The following KDM5B variants were observed in gnomAD, a reference collection of about 807,000 sequenced individuals.
KDM5B encodes the protein lysine-specific demethylase 5B.
A neutral mutation model predicts 193.4 loss-of-function variants in KDM5B; 144 were observed. The observed-to-expected ratio is 0.74, with a 90% CI of 0.65 to 0.86. KDM5B has a LOEUF of 0.86. Among genes scored for constraint, KDM5B ranks in the 40% least tolerant of loss-of-function variants. KDM5B has a pLI of 0.00. For synonymous variants in KDM5B, 668 were observed against 682.6 expected, an observed-to-expected ratio of 0.98 and a Z score of 0.33; for missense variants, 1,833 against 1,886.9, an observed-to-expected ratio of 0.97 and a Z score of 0.53.
chr1:202,749,200 C>G (rs1253564603), intron 13 of KDM5B, 61 bp from the exon 14 acceptor site: 24 of 1,414,560 alleles, frequency 1.7e-5, no homozygotes, highest in Non-Finnish European at 2.1e-5. Flanking sequence ...CCAAACACCT[C>G]TGACCCATTA....
chr1:202,743,057 C>T (rs1403429847), intron 16 of KDM5B, among the ~76,000 whole-genome samples: 3 of 152,006 alleles, frequency 2.0e-5, no homozygotes, highest in African/African-American at 7.3e-5. Context: ...TGTTTTAGGG[C>T]GGGTACAGTG....
At chr1:202,730,142 G>GA in intron 25 of KDM5B, 115 bp from the exon 26 acceptor site, 2 of 948,548 alleles carry the variant, frequency 2.1e-6, no homozygotes, top group Non-Finnish European at 3.1e-6. Context: ...ATCTACACGG[G>GA]AAAAAAATAC....
At chr1:202,764,286 A>T (rs1656361027) in intron 5 of KDM5B, 141 bp from the exon 6 acceptor site, 2 of 525,738 alleles carry the variant, frequency 3.8e-6, no homozygotes, top group South Asian at 2.8e-5. Context: ...CTCTCTTCCT[A>T]AGGAAGAGAG....
chr1:202,799,631 T>C (rs1358298040), intron 1 of KDM5B, among the ~76,000 whole-genome samples: 1 of 148,588 alleles, frequency 6.7e-6, no homozygotes, highest in Non-Finnish European at 1.5e-5. Context: ...CACTCCAGCC[T>C]GGGTGACAAG....
Position 202,758,383 on chromosome 1 carries a change from G to A in KDM5B, c.1197+8C>T, listed in dbSNP as rs200551702. 571 of 1,607,070 alleles carry A rather than the reference G, an allele frequency of 3.6e-4. 2 individuals are homozygous for A. The African/African-American group carries it at 6.6e-3, about 19-fold the overall frequency. On this transcript the variant is annotated splice_region_variant and intron_variant, in intron 9 of 26. Coordinates refer to ENST00000367265, the MANE Select transcript of KDM5B (RefSeq NM_006618.5). ...AATCCTAAATCAAAGCAGTATATAT[G>A]TACATACATGGACTGGCATGTTGAA... is the stretch of plus-strand genomic sequence containing the variant.
rs1406477365 is a variant in KDM5B at position 202,733,385 on chromosome 1, G to GAT, written c.3909+15_3909+16insAT. Reference sequence around the variant, plus strand: ...TTGCAAATTCCAATAACCCAACAAGGAAAGTCCAGATTCACCTTGTTTGTG... The same window carrying GAT: ...TTGCAAATTCCAATAACCCAACAAGGATAAAGTCCAGATTCACCTTGTTTGTG... On this transcript the variant is annotated intron_variant, in intron 23 of 26. Coordinates refer to ENST00000367265, the MANE Select transcript of KDM5B (RefSeq NM_006618.5). The GAT allele has an allele frequency of 8.7e-6, 14 of 1,605,450 alleles. No homozygotes were observed. The highest frequency in any genetic ancestry group is 1.2e-5 in the Non-Finnish European group (14 of 1,173,970).
At chr1:202,733,368 T>C (rs1186886301) in intron 23 of KDM5B, 33 bp downstream of exon 23, 1 of 1,597,456 alleles carries the variant, frequency 6.3e-7, no homozygotes, top group Non-Finnish European at 8.5e-7. Context: ...CTTTGCAAAT[T>C]CCAATAACCC....
intron 2 of KDM5B, among the ~76,000 whole-genome samples, chr1:202,775,106 G>A (rs571511628): frequency 6.6e-5 from 10 of 150,858 alleles, no homozygotes; most frequent in African/African-American, 9.7e-5. Flanking sequence ...GTGTGGTGGC[G>A]CGTGCCTGTA....
chr1:202,730,978 A>G lies in KDM5B; in HGVS notation c.4107T>C (p.Thr1369=). 6.2e-7 allele frequency: 1 copy of G among 1,613,898 alleles called. No individual in the cohort carries two copies. The highest frequency in any genetic ancestry group is 8.5e-7 in the Non-Finnish European group (1 of 1,179,864). ...SLPEIQELYQ[T]LLAKPSPAQQ... is the part of the protein sequence containing the mutation. Reference sequence around the variant, plus strand: ...GAGCAGGGCTTGGCTTTGCAAGTAAAGTCTGGTAAAGTTCCTGAATTTCAG... The same window carrying G: ...GAGCAGGGCTTGGCTTTGCAAGTAAGGTCTGGTAAAGTTCCTGAATTTCAG... The change falls in exon 25 of 27, where the codon ACT becomes ACC. Residue 1369 remains threonine (T), a synonymous_variant. Coordinates refer to ENST00000367265, the MANE Select transcript of KDM5B (RefSeq NM_006618.5).
At chr1:202,798,865 T>C (rs749914892) in intron 1 of KDM5B, among the ~76,000 whole-genome samples, 143 of 151,632 alleles carry the variant, frequency 9.4e-4, no homozygotes, top group Non-Finnish European at 1.5e-3. Flanking sequence ...TAAAAAAAAA[T>C]AATAATTCTG....
intron 16 of KDM5B, among the ~76,000 whole-genome samples, chr1:202,745,016 G>A (rs1018272954): frequency 2.6e-5 from 4 of 152,202 alleles, no homozygotes; most frequent in Non-Finnish European, 5.9e-5. Context: ...GGATGGAACT[G>A]GAGGCAATTA....
intron 1 of KDM5B, 111 bp downstream of exon 1, chr1:202,807,991 C>T: frequency 8.8e-7 from 1 of 1,130,464 alleles, no homozygotes; most frequent in Non-Finnish European, 1.2e-6. Flanking sequence ...CTTGACGAGG[C>T]CGGCGGGGCG....
At position 202,727,056 on chromosome 1, in the gene KDM5B, G is replaced by C. The variant is rs1412794610; in HGVS notation, c.*1980C>G. On this transcript the variant is annotated 3_prime_UTR_variant, in exon 27 of 27. Transcript: ENST00000367265. The stretch of plus-strand genomic sequence containing the variant: ...CTTCCTCAAAGATGCTATTGTCAGG[G>C]ACTGTGTACCACCACCCACAGGTGA... The C allele has an allele frequency of 6.6e-6, 1 of 151,230 alleles. No homozygotes were observed. Among genetic ancestry groups the C allele is most frequent in the Non-Finnish European group, 1.5e-5 (1 of 67,962 alleles). 9.4% of individuals were successfully genotyped at this position (151,230 alleles called of 1,614,324 possible).
At position 202,750,730 on chromosome 1, in the gene KDM5B, T is replaced by A; in HGVS notation, c.1750A>T (p.Arg584Ter). Residue 584 changes from arginine (R) to a stop codon, truncating the protein, a stop_gained, in exon 13 of 27, where the codon AGA becomes TGA. Transcript: ENST00000367265. LOFTEE classifies it high-confidence loss of function. ...TGGTTAAAACCACTGTGGTAGGCTC[T>A]TGGAAATGTAATCACAAACTCCCCA... ...CAGEFVITFP[R>*]AYHSGFNQGF... is the part of the protein sequence containing the mutation. 6.2e-7 allele frequency: 1 copy of A among 1,613,970 alleles called. No individual in the cohort carries two copies.
chr1:202,805,566 C>T (rs1658257783), intron 1 of KDM5B, among the ~76,000 whole-genome samples: 1 of 152,208 alleles, frequency 6.6e-6, no homozygotes. Flanking sequence ...TCTAATATAA[C>T]CATTTGTGTT....
At chr1:202,729,607 G>A in intron 26 of KDM5B, 100 bp downstream of exon 26, 2 of 981,790 alleles carry the variant, frequency 2.0e-6, no homozygotes, top group Non-Finnish European at 3.0e-6. Flanking sequence ...TCAGCTCAAA[G>A]CAGATAAGCA....
chr1:202,777,127 CTT>C, intron 1 of KDM5B, 33 bp from the exon 2 acceptor site: 2 of 1,517,056 alleles, frequency 1.3e-6, no homozygotes, highest in Non-Finnish European at 1.8e-6. Context: ...ATTAGAATAA[CTT>C]ATAAGCATTT....
chr1:202,727,666 C>G lies in KDM5B; in HGVS notation c.*1370G>C, dbSNP rs977215289. 1.3e-5 allele frequency: 2 copies of G among 152,586 alleles called. No homozygotes were observed. Among genetic ancestry groups the G allele is most frequent in the Non-Finnish European group, 2.9e-5 (2 of 68,034 alleles). 9.5% of individuals were successfully genotyped at this position (152,586 alleles called of 1,614,324 possible). A position where few individuals can be genotyped will look rare whatever the true frequency, so the allele number is the denominator to read the frequency against. The stretch of plus-strand genomic sequence containing the variant: ...TAAAAAAGAAAAGCAAGGAAAATAG[C>G]TATGGGCTATCCACAGCCAGTAATG... On this transcript the variant is annotated 3_prime_UTR_variant, in exon 27 of 27. Coordinates refer to ENST00000367265, the MANE Select transcript of KDM5B (RefSeq NM_006618.5).
chr1:202,760,203 ACG>A (rs1490496775), intron 8 of KDM5B, among the ~76,000 whole-genome samples: 4 of 56,844 alleles, frequency 7.0e-5, no homozygotes, highest in South Asian at 4.9e-4. Context: ...AGTCCCAGCT[ACG>A]TGGGGGGGGC....
Sources: gnomAD v4.1 joint callset for allele counts (sites outside exome capture counted in the v4.1 genomes callset) on GRCh38, gnomAD v4.1.1 for gene constraint, MANE v1.5 for transcripts, NCBI Gene and HGNC (gene_info 2026-07-23, HGNC 2026-07-21) for gene names.